Variants in GNAL observed in about 807,000 individuals in gnomAD.
GNAL encodes the protein guanine nucleotide-binding protein G(olf) subunit alpha.
A neutral mutation model predicts 55.1 loss-of-function variants in GNAL; 18 were observed. That is an observed-to-expected ratio of 0.33 (90% CI 0.23 to 0.48). GNAL has a LOEUF of 0.48. Among genes scored for constraint, GNAL ranks in the 20% least tolerant of loss-of-function variants. The pLI, the probability that GNAL is intolerant of heterozygous loss-of-function variation, is 0.99. For missense variants in GNAL, 412 were observed against 614.1 expected (o/e 0.67, Z 3.48); for synonymous variants, 253 against 237.0 (o/e 1.07, Z -0.62).
chr18:11,808,484 C>T (rs1247049672), intron 4 of GNAL, among the ~76,000 whole-genome samples: 1 of 152,172 alleles, frequency 6.6e-6, no homozygotes, highest in Non-Finnish European at 1.5e-5. Flanking sequence ...GTAACATCTG[C>T]CATGCTACCC....
intron 1 of GNAL, among the ~76,000 whole-genome samples, chr18:11,736,299 G>A (rs2032461960): frequency 6.6e-6 from 1 of 152,282 alleles, no homozygotes; most frequent in Admixed American, 6.5e-5. Context: ...GGAGGCCAAG[G>A]CGGGAGGATC....
At chr18:11,776,402 A>C (rs1053641551) in intron 4 of GNAL, among the ~76,000 whole-genome samples, 1 of 152,158 alleles carries the variant, frequency 6.6e-6, no homozygotes, top group Non-Finnish European at 1.5e-5. Flanking sequence ...AGAATAAGAA[A>C]TAACTTCCAT....
At chr18:11,780,013 T>C (rs1435709930) in intron 4 of GNAL, among the ~76,000 whole-genome samples, 1 of 152,238 alleles carries the variant, frequency 6.6e-6, no homozygotes, top group African/African-American at 2.4e-5. Context: ...GTGGCATATA[T>C]ACCATTGCAA....
chr18:11,744,796 G>A (rs1388104916), intron 1 of GNAL, among the ~76,000 whole-genome samples: 1 of 152,130 alleles, frequency 6.6e-6, no homozygotes, highest in Non-Finnish European at 1.5e-5. Context: ...CTGCAGCCTC[G>A]ACCTCCTGGG....
At chr18:11,703,795 GCACACACACA>G (rs35455680) in intron 1 of GNAL, among the ~76,000 whole-genome samples, 82 of 141,492 alleles carry the variant, frequency 5.8e-4, no homozygotes, top group Middle Eastern at 3.5e-3. Context: ...GTGTTGATGG[GCACACACACA>G]CACACACACA....
At position 11,752,804 on chromosome 18, in the gene GNAL, G is replaced by A; in HGVS notation, c.377-49G>A. 1 of 1,329,010 alleles carries A rather than the reference G, an allele frequency of 7.5e-7. No homozygotes were observed. Among genetic ancestry groups the A allele is most frequent in the Non-Finnish European group, 1.1e-6 (1 of 920,300 alleles). 82.3% of individuals were successfully genotyped at this position (1,329,010 alleles called of 1,614,324 possible). ...CAGACCCGGCTAGTGGTGAGAGATG[G>A]CAGCGATATCCGGACACAGATCACA... On this transcript the variant is annotated intron_variant, in intron 1 of 11. Coordinates refer to ENST00000334049, the MANE Select transcript of GNAL (RefSeq NM_182978.4). The surrounding 1 kb of genome is among the most constrained non-coding windows in gnomAD (Gnocchi z 4.5).
chr18:11,725,414 T>A (rs2143419144), intron 1 of GNAL, among the ~76,000 whole-genome samples: 1 of 152,318 alleles, frequency 6.6e-6, no homozygotes, highest in Middle Eastern at 3.4e-3. Context: ...GGCCTTGAAC[T>A]TCTAAGCTCC....
intron 1 of GNAL, among the ~76,000 whole-genome samples, chr18:11,700,500 T>A (rs913800524): frequency 1.3e-5 from 2 of 152,252 alleles, no homozygotes; most frequent in Non-Finnish European, 2.9e-5. Flanking sequence ...GTTGCCCAGC[T>A]GTTATTAGGT....
At chr18:11,822,603 C>T (rs772311442) in intron 4 of GNAL, among the ~76,000 whole-genome samples, 3 of 152,048 alleles carry the variant, frequency 2.0e-5, no homozygotes, top group Non-Finnish European at 2.9e-5. Flanking sequence ...AGTGAGACCA[C>T]GTCTCAAAAA....
chr18:11,760,147 C>T (rs1568014443), intron 4 of GNAL, among the ~76,000 whole-genome samples: 1 of 152,074 alleles, frequency 6.6e-6, no homozygotes, highest in Non-Finnish European at 1.5e-5. Context: ...CTGCTGGGTG[C>T]GCTACAAACA....
chr18:11,873,846 G>A lies in GNAL; in HGVS notation c.1162+1448G>A, dbSNP rs568889479. On this transcript the variant is annotated intron_variant, in intron 10 of 11. Transcript: ENST00000334049. ...CACTCAGCTCAGGCAGTGGCTCGGC[G>A]GCCGGGGGGTCCTTCCAACAGGGTC... 4.5e-3 allele frequency among the ~76,000 whole-genome samples: 685 copies of A among 150,710 alleles called. 2 individuals carry two copies. Among genetic ancestry groups the A allele is most frequent in the Non-Finnish European group, 7.7e-3 (523 of 67,728 alleles).
chr18:11,788,377 C>T (rs1016575081), intron 4 of GNAL, among the ~76,000 whole-genome samples: 1 of 152,166 alleles, frequency 6.6e-6, no homozygotes, highest in East Asian at 1.9e-4. Context: ...AAACTGACAG[C>T]GAACTTGCAG....
At chr18:11,816,793 G>A (rs1219232393) in intron 4 of GNAL, among the ~76,000 whole-genome samples, 2 of 147,586 alleles carry the variant, frequency 1.4e-5, no homozygotes, top group African/African-American at 2.5e-5. Context: ...CAACCTGGGC[G>A]ACAGAGTGAG....
At chr18:11,710,396 A>T (rs1330512865) in intron 1 of GNAL, among the ~76,000 whole-genome samples, 1 of 152,196 alleles carries the variant, frequency 6.6e-6, no homozygotes, top group East Asian at 1.9e-4. Context: ...GTTAGTGTTA[A>T]TACTTTGTCT....
intron 5 of GNAL, among the ~76,000 whole-genome samples, chr18:11,839,526 C>G (rs2143723909): frequency 7.8e-6 from 1 of 128,384 alleles, no homozygotes; most frequent in Admixed American, 9.4e-5. Context: ...GCACTCCAGC[C>G]TGGGTGGCAG....
chr18:11,879,224 G>T (rs1282725704), intron 11 of GNAL, among the ~76,000 whole-genome samples: 1 of 151,710 alleles, frequency 6.6e-6, no homozygotes, highest in Non-Finnish European at 1.5e-5. Context: ...TCCCCGTGAG[G>T]AGTTTCATAC....
At position 11,884,822 on chromosome 18, in the gene GNAL, C is replaced by A; in HGVS notation, c.*3687C>A. On this transcript the variant is annotated 3_prime_UTR_variant, in exon 12 of 12. Coordinates refer to ENST00000334049, the MANE Select transcript of GNAL (RefSeq NM_182978.4). ...CACCCCCGACCAGCCCAGGCTCCAG[C>A]AGGAGAGACAAGTAAGGCCCAAGTG... is the stretch of plus-strand genomic sequence containing the variant. 7.2e-7 allele frequency: 1 copy of A among 1,396,324 alleles called. No homozygotes were observed. The highest frequency in any genetic ancestry group is 9.3e-7 in the Non-Finnish European group (1 of 1,072,316). 86.5% of individuals were successfully genotyped at this position (1,396,324 alleles called of 1,614,324 possible).
chr18:11,760,068 G>A (rs965947074), intron 4 of GNAL, among the ~76,000 whole-genome samples: 8 of 152,104 alleles, frequency 5.3e-5, no homozygotes, highest in African/African-American at 1.4e-4. Flanking sequence ...GGCTGTGTTC[G>A]CTCCCTGAGG....
chr18:11,818,865 G>T (rs1396545316), intron 4 of GNAL, among the ~76,000 whole-genome samples: 1 of 152,234 alleles, frequency 6.6e-6, no homozygotes, highest in Non-Finnish European at 1.5e-5. Context: ...ACTAAAATTA[G>T]AAGTATTTTT....
Sources: allele counts gnomAD v4.1 joint callset (sites outside exome capture counted in the v4.1 genomes callset), GRCh38; gene constraint gnomAD v4.1.1; non-coding constraint Gnocchi (gnomAD v3.1); transcripts MANE v1.5; gene names NCBI Gene and HGNC (gene_info 2026-07-23, HGNC 2026-07-21).